Variants in HNF4G observed in about 807,000 individuals in gnomAD.
HNF4G encodes the protein hepatocyte nuclear factor 4-gamma.
A neutral mutation model predicts 50.9 loss-of-function variants in HNF4G; 21 were observed. The ratio of observed to expected loss-of-function variants is 0.41; its 90% CI spans 0.29 to 0.59. The LOEUF is 0.59. Among genes scored for constraint, HNF4G ranks in the 20% least tolerant of loss-of-function variants. The pLI is 0.26. For synonymous variants in HNF4G, 198 were observed against 185.6 expected (o/e 1.07, Z -0.54); for missense variants, 527 against 559.4 (o/e 0.94, Z 0.58).
chr8:75,448,288 T>G (rs1482515648), intron 1 of HNF4G, among the ~76,000 whole-genome samples: 1 of 64,182 alleles, frequency 1.6e-5, no homozygotes, highest in East Asian at 5.1e-4. Context: ...TGTGGTGGGG[T>G]GGGGGGAGGG....
chr8:75,450,017 C>T (rs556530490), intron 1 of HNF4G, among the ~76,000 whole-genome samples: 82 of 152,258 alleles, frequency 5.4e-4, no homozygotes, highest in Non-Finnish European at 9.7e-4. Flanking sequence ...TTTTATTCCC[C>T]ACCACCTTAG....
chr8:75,542,488 A>G (rs1806651918), intron 1 of HNF4G, among the ~76,000 whole-genome samples: 1 of 150,996 alleles, frequency 6.6e-6, no homozygotes, highest in African/African-American at 2.4e-5. Flanking sequence ...GACAGAAGGA[A>G]CAGCAGGTGA....
chr8:75,450,534 A>T (rs1004519252), intron 1 of HNF4G, among the ~76,000 whole-genome samples: 1 of 152,206 alleles, frequency 6.6e-6, no homozygotes, highest in Non-Finnish European at 1.5e-5. Flanking sequence ...TAATGGCTAT[A>T]CTAATTTACA....
intron 1 of HNF4G, among the ~76,000 whole-genome samples, chr8:75,423,819 T>TTC (rs1456204945): frequency 3.2e-5 from 3 of 92,896 alleles, no homozygotes; most frequent in Non-Finnish European, 6.7e-5. Context: ...TTCTTTCTTT[T>TTC]TTTTTTTTTT....
chr8:75,452,900 G>A (rs1811620586), intron 1 of HNF4G, among the ~76,000 whole-genome samples: 1 of 152,118 alleles, frequency 6.6e-6, no homozygotes, highest in Non-Finnish European at 1.5e-5. Flanking sequence ...ATTATTGAAG[G>A]CACTCTCTAT....
At chr8:75,422,428 A>G (rs1810795727) in intron 1 of HNF4G, among the ~76,000 whole-genome samples, 1 of 152,200 alleles carries the variant, frequency 6.6e-6, no homozygotes, top group Non-Finnish European at 1.5e-5. Context: ...CAAAGCTGCA[A>G]TTGTGTGAAT....
upstream of HNF4G, among the ~76,000 whole-genome samples, chr8:75,539,676 A>G (rs1806557971): frequency 6.6e-6 from 1 of 152,182 alleles, no homozygotes; most frequent in Admixed American, 6.5e-5. Context: ...CTGGAAATCA[A>G]TTTAGGAAAT....
intron 2 of HNF4G, among the ~76,000 whole-genome samples, chr8:75,528,246 T>C (rs1050061001): frequency 5.3e-5 from 8 of 152,210 alleles, no homozygotes; most frequent in African/African-American, 1.9e-4. Context: ...CCAAGGCTCC[T>C]AGAAGATTTT....
intron 1 of HNF4G, among the ~76,000 whole-genome samples, chr8:75,440,717 A>T (rs1811259335): frequency 6.6e-6 from 1 of 152,228 alleles, no homozygotes; most frequent in Non-Finnish European, 1.5e-5. Flanking sequence ...CAAATTTTAC[A>T]GCCCTAATTT....
At chr8:75,533,284 C>G (rs781721634) in intron 2 of HNF4G, among the ~76,000 whole-genome samples, 1 of 151,984 alleles carries the variant, frequency 6.6e-6, no homozygotes, top group Non-Finnish European at 1.5e-5. Context: ...AGCAGTAGTT[C>G]TCAGATTTTG....
intron 1 of HNF4G, among the ~76,000 whole-genome samples, chr8:75,427,177 A>G (rs1340466309): frequency 2.0e-5 from 3 of 152,182 alleles, no homozygotes; most frequent in Non-Finnish European, 2.9e-5. Context: ...ATCTCTCTGT[A>G]TTTCTTTGAA....
intron 2 of HNF4G, among the ~76,000 whole-genome samples, chr8:75,494,463 C>T (rs899947117): frequency 7.9e-5 from 12 of 152,046 alleles, no homozygotes; most frequent in African/African-American, 2.9e-4. Flanking sequence ...TCTTTTATTA[C>T]AGTTGCATAA....
At chr8:75,480,717 CTTTCT>C (rs1361338177) in intron 1 of HNF4G, among the ~76,000 whole-genome samples, 2 of 123,944 alleles carry the variant, frequency 1.6e-5, no homozygotes, top group Non-Finnish European at 1.6e-5. Flanking sequence ...TTTTCTTTTT[CTTTCT>C]TTTTTTTTTT....
chr8:75,462,590 C>A (rs1009499738), intron 1 of HNF4G, among the ~76,000 whole-genome samples: 1 of 152,114 alleles, frequency 6.6e-6, no homozygotes, highest in Non-Finnish European at 1.5e-5. Flanking sequence ...CTGCAGAAAA[C>A]GAAACCTTGG....
At chr8:75,418,969 C>T (rs868543300) in intron 1 of HNF4G, among the ~76,000 whole-genome samples, 4 of 152,050 alleles carry the variant, frequency 2.6e-5, no homozygotes, top group Non-Finnish European at 5.9e-5. Flanking sequence ...TCAGGTGATC[C>T]GCCTGCCTCG....
intron 2 of HNF4G, among the ~76,000 whole-genome samples, chr8:75,526,560 G>T (rs1806185864): frequency 6.6e-6 from 1 of 151,398 alleles, no homozygotes. Flanking sequence ...TTGAGACAGG[G>T]TCTTGCTCTA....
intron 2 of HNF4G, among the ~76,000 whole-genome samples, chr8:75,514,751 A>C (rs537508775): frequency 1.6e-4 from 25 of 152,180 alleles, no homozygotes; most frequent in African/African-American, 5.8e-4. Flanking sequence ...AAAATTTATA[A>C]ATTTGTTTTC....
At chr8:75,544,902 GC>G (rs1420699986) in intron 2 of HNF4G, among the ~76,000 whole-genome samples, 1 of 152,012 alleles carries the variant, frequency 6.6e-6, no homozygotes, top group African/African-American at 2.4e-5. Context: ...TCAAAGTCTT[GC>G]CATGTGATTT....
intron 2 of HNF4G, among the ~76,000 whole-genome samples, chr8:75,522,693 T>G (rs1210125512): frequency 6.6e-6 from 1 of 152,150 alleles, no homozygotes; most frequent in African/African-American, 2.4e-5. Context: ...CTCTAGATAC[T>G]GTCAAATGTT....
Sources: gnomAD v4.1 joint callset for allele counts (sites outside exome capture counted in the v4.1 genomes callset) on GRCh38, gnomAD v4.1.1 for gene constraint, MANE v1.5 for transcripts, NCBI Gene and HGNC (gene_info 2026-07-23, HGNC 2026-07-21) for gene names.